The following PAM variants were observed in gnomAD, a reference collection of about 807,000 sequenced individuals.
PAM encodes the protein peptidyl-glycine alpha-amidating monooxygenase.
In PAM, 72 loss-of-function variants were observed where a neutral mutation model predicts 122.1. The observed-to-expected ratio is 0.59, with a 90% CI of 0.49 to 0.72. PAM has a LOEUF of 0.72. Ranked by LOEUF, PAM falls within the 30% of genes least tolerant of loss-of-function variation. The pLI is 0.00. For missense variants in PAM, 1,106 were observed against 1,183.7 expected, an observed-to-expected ratio of 0.93 and a Z score of 0.96; for synonymous variants, 389 against 404.4, an observed-to-expected ratio of 0.96 and a Z score of 0.46.
chr5:103,018,958 A>G (rs1396643769), intron 22 of PAM, among the ~76,000 whole-genome samples: 4 of 152,170 alleles, frequency 2.6e-5, no homozygotes, highest in Non-Finnish European at 5.9e-5. Context: ...TCAGGCTCCT[A>G]TGAGAATCTA....
At chr5:103,016,228 TTGA>T (rs1227364880) in intron 21 of PAM, among the ~76,000 whole-genome samples, 2 of 152,212 alleles carry the variant, frequency 1.3e-5, no homozygotes, top group Non-Finnish European at 2.9e-5. Context: ...TGTGATAAAC[TTGA>T]TGATTTCTAA....
At chr5:102,792,924 G>T (rs1262938489) in intron 1 of PAM, among the ~76,000 whole-genome samples, 2 of 152,176 alleles carry the variant, frequency 1.3e-5, no homozygotes, top group South Asian at 4.1e-4. Context: ...CGTAAGTTCA[G>T]AGTGCCTCCT....
At chr5:102,895,314 AC>A (rs1316131414) in intron 3 of PAM, among the ~76,000 whole-genome samples, 1 of 151,804 alleles carries the variant, frequency 6.6e-6, no homozygotes, top group Non-Finnish European at 1.5e-5. Flanking sequence ...TAAAAATTTA[AC>A]ATTTATGTGT....
chr5:102,964,790 T>C (rs1444809534), intron 14 of PAM, among the ~76,000 whole-genome samples: 1 of 151,822 alleles, frequency 6.6e-6, no homozygotes, highest in Non-Finnish European at 1.5e-5. Context: ...TTCATAGCCC[T>C]TTTTAAAAAA....
At chr5:102,856,683 T>C (rs1782717945) in intron 1 of PAM, among the ~76,000 whole-genome samples, 4 of 152,330 alleles carry the variant, frequency 2.6e-5, no homozygotes, top group South Asian at 2.1e-4. Context: ...CGTCTGTTAC[T>C]GATCATGGAA....
At chr5:102,877,348 T>C (rs1789562000) in intron 3 of PAM, among the ~76,000 whole-genome samples, 1 of 152,186 alleles carries the variant, frequency 6.6e-6, no homozygotes, top group Non-Finnish European at 1.5e-5. Context: ...AAATAAAGAA[T>C]TACAGAGGAT....
At chr5:102,756,359 C>T (rs990144102) in intron 1 of PAM, among the ~76,000 whole-genome samples, 1 of 152,170 alleles carries the variant, frequency 6.6e-6, no homozygotes, top group Non-Finnish European at 1.5e-5. Flanking sequence ...CCACCAATCC[C>T]TGTGTACAAA....
At chr5:102,846,278 C>G (rs543587067) in intron 1 of PAM, among the ~76,000 whole-genome samples, 2 of 152,322 alleles carry the variant, frequency 1.3e-5, no homozygotes, top group East Asian at 3.9e-4. Flanking sequence ...ATGGGATCTT[C>G]TCACCTATAG....
chr5:102,837,698 C>G (rs749685139), intron 1 of PAM: 2 of 152,192 alleles, frequency 1.3e-5, no homozygotes, highest in Non-Finnish European at 2.9e-5. Context: ...GAGCAGGATG[C>G]TGAACCATAC....
intron 15 of PAM, among the ~76,000 whole-genome samples, chr5:102,983,947 C>G (rs1275482586): frequency 6.6e-6 from 1 of 152,174 alleles, no homozygotes; most frequent in African/African-American, 2.4e-5. Flanking sequence ...AAAGTTTTCC[C>G]AGACAAGCAA....
chr5:103,006,992 C>G lies in PAM; in HGVS notation c.1995C>G (p.Phe665Leu). ...TGCAGTTTTCACCAAGTGGAAAGTT[C>G]ATCACACAGTGGGGAGAAGGTACCC... ...RIVQFSPSGKFITQWGEESSG... is the reference protein window; with the variant it reads ...RIVQFSPSGKLITQWGEESSG... Residue 665 changes from phenylalanine to leucine, a missense_variant, in exon 19 of 26, where the codon TTC (phenylalanine) becomes TTG (leucine). Around this residue, in one of 3 missense-constraint regions of PAM, gnomAD observed 103 missense variants for 157.9 expected, o/e 0.65. Transcript: ENST00000438793. 1 of 1,612,706 alleles carries G rather than the reference C, an allele frequency of 6.2e-7. No individual in the cohort carries two copies. The highest frequency in any genetic ancestry group is 1.1e-5 in the South Asian group (1 of 90,938).
intron 1 of PAM, among the ~76,000 whole-genome samples, chr5:102,852,585 T>A (rs534479234): frequency 6.6e-6 from 1 of 152,296 alleles, no homozygotes; most frequent in East Asian, 1.9e-4. Context: ...GAAGTTTTTT[T>A]AATTTGTATG....
At chr5:102,823,378 A>G (rs1244639551) in intron 1 of PAM, among the ~76,000 whole-genome samples, 1 of 152,226 alleles carries the variant, frequency 6.6e-6, no homozygotes, top group Non-Finnish European at 1.5e-5. Context: ...AAAAATAAGT[A>G]AAAATTAATG....
chr5:102,783,099 G>A (rs753706019), intron 1 of PAM, among the ~76,000 whole-genome samples: 1 of 151,798 alleles, frequency 6.6e-6, no homozygotes, highest in South Asian at 2.1e-4. Context: ...ATCTTAGCTG[G>A]TGGCATATAT....
Position 102,914,104 on chromosome 5 carries a change from A to G in PAM, c.356+83A>G, listed in dbSNP as rs1204784111. ...AAGTGTATCTGTGCAAGTATTTTAC[A>G]ACTAGTTAATAAATAGGCAGAACAT... is the stretch of plus-strand genomic sequence containing the variant. On this transcript the variant is annotated intron_variant, in intron 5 of 25. Transcript: ENST00000438793. The G allele has an allele frequency of 4.3e-5, 32 of 748,652 alleles. No individual in the cohort carries two copies. In the East Asian group the frequency reaches 7.7e-4, roughly 18 times the overall value. The allele number at this position is 748,652 out of a possible 1,614,324, so 46.4% of individuals were successfully genotyped here.
chr5:103,021,790 A>G (rs3776858), intron 23 of PAM, among the ~76,000 whole-genome samples: 46,346 of 151,974 alleles, frequency 0.3, 7,221 homozygotes, highest in East Asian at 0.44. Flanking sequence ...ATATCTTGAA[A>G]CTTAATTCAA....
intron 3 of PAM, among the ~76,000 whole-genome samples, chr5:102,887,317 C>T (rs762157771): frequency 3.9e-4 from 59 of 151,978 alleles, no homozygotes; most frequent in Non-Finnish European, 6.5e-4. Context: ...TCCTCTCTTA[C>T]CATGTGATTT....
chr5:102,823,296 A>C (rs144790323), intron 1 of PAM, among the ~76,000 whole-genome samples: 1 of 152,364 alleles, frequency 6.6e-6, no homozygotes, highest in African/African-American at 2.4e-5. Context: ...ATGTTTACTT[A>C]GCAACACTGA....
At chr5:102,833,601 A>C (rs1776061306) in intron 1 of PAM, among the ~76,000 whole-genome samples, 1 of 152,226 alleles carries the variant, frequency 6.6e-6, no homozygotes, top group Non-Finnish European at 1.5e-5. Flanking sequence ...GGGCTCAATA[A>C]GCATAATCCT....
Sources: gnomAD v4.1 joint callset for allele counts (sites outside exome capture counted in the v4.1 genomes callset) on GRCh38, gnomAD v4.1.1 for gene constraint, gnomAD v4.1.1 regional missense constraint, MANE v1.5 for transcripts, NCBI Gene and HGNC (gene_info 2026-07-23, HGNC 2026-07-21) for gene names.